The following PCDH9 variants were observed in gnomAD, a reference collection of about 807,000 sequenced individuals.
PCDH9 encodes protocadherin-9.
In PCDH9, 24 loss-of-function variants were observed where a neutral mutation model predicts 70.6. That is an observed-to-expected ratio of 0.34 (90% CI 0.25 to 0.48). The LOEUF (loss-of-function observed/expected upper bound fraction) is 0.48. Among genes scored for constraint, PCDH9 ranks in the 20% least tolerant of loss-of-function variants. The pLI is 0.99. For synonymous variants in PCDH9, 562 were observed against 558.5 expected (o/e 1.01, Z -0.09); for missense variants, 1,281 against 1,503.6 (o/e 0.85, Z 2.45).
chr13:66,793,192 C>T (rs2080188824), intron 3 of PCDH9, among the ~76,000 whole-genome samples: 1 of 152,012 alleles, frequency 6.6e-6, no homozygotes, highest in African/African-American at 2.4e-5. Context: ...CCTGGGCCTA[C>T]AGTTAGTCTT....
chr13:66,403,247 C>T (rs1593920600), intron 4 of PCDH9, among the ~76,000 whole-genome samples: 1 of 151,988 alleles, frequency 6.6e-6, no homozygotes, highest in African/African-American at 2.4e-5. Flanking sequence ...TCAAGCAATC[C>T]TCCCACCTTA....
chr13:67,111,983 C>T (rs961673903), intron 2 of PCDH9, among the ~76,000 whole-genome samples: 3 of 152,176 alleles, frequency 2.0e-5, no homozygotes, highest in Admixed American at 6.5e-5. Flanking sequence ...TGTCATGTCA[C>T]AGTCCTCACC....
rs1007229936 is a variant in PCDH9, at chr13:67,056,914, T to C, written c.3037-153309A>G. On this transcript the variant is annotated intron_variant, in intron 2 of 4. Transcript: ENST00000377865. ...CACTGATAATGTATGTACAAATTTA[T>C]ATACACTATGCAAAAAATTTTGGAT... Among the ~76,000 whole-genome samples the C allele has an allele frequency of 1.6e-4, 25 of 152,288 alleles. 1 individual carries two copies. Among genetic ancestry groups the C allele is most frequent in the African/African-American group, 5.5e-4 (23 of 41,576 alleles).
intron 4 of PCDH9, among the ~76,000 whole-genome samples, chr13:66,310,341 TCAGA>T (rs1304884517): frequency 6.6e-6 from 1 of 152,010 alleles, no homozygotes; most frequent in Non-Finnish European, 1.5e-5. Context: ...TTAGCAGCTC[TCAGA>T]CAGGTGCCTG....
chr13:67,129,546 AATAAT>A (rs2087058804), intron 2 of PCDH9, among the ~76,000 whole-genome samples: 1 of 152,094 alleles, frequency 6.6e-6, no homozygotes. Context: ...CACTGGTTAA[AATAAT>A]ATAATCATGA....
chr13:66,774,455 T>TTG (rs4053700), intron 3 of PCDH9, among the ~76,000 whole-genome samples: 44,241 of 151,410 alleles, frequency 0.29, 6,687 homozygotes, highest in East Asian at 0.44. Context: ...TCTACTAGAT[T>TTG]TTTTTTTTAA....
rs1438379394 is a variant in PCDH9 at position 66,304,970 on chromosome 13, G to A, written c.3399C>T (p.Cys1133=). The A allele has an allele frequency of 6.2e-7, 1 of 1,613,274 alleles. No homozygotes were observed. ...AATTATCAGAGTGACCCAAAACCAA[G>A]CACTCTTGAGTGCACATCTCTGTAG... ...AEATEMCTQE[C]LVLGHSDNCW... The change falls in exon 5 of 5, where the codon TGC becomes TGT. Residue 1133 remains cysteine (C), a synonymous_variant. Transcript: ENST00000377865.
chr13:66,612,878 T>C (rs1463682705), intron 4 of PCDH9, among the ~76,000 whole-genome samples: 1 of 152,074 alleles, frequency 6.6e-6, no homozygotes, highest in African/African-American at 2.4e-5. Context: ...ACCATTAAAA[T>C]TGTCTGTGAG....
chr13:67,172,882 A>C (rs2088335054), intron 2 of PCDH9, among the ~76,000 whole-genome samples: 1 of 151,290 alleles, frequency 6.6e-6, no homozygotes, highest in African/African-American at 2.4e-5. Context: ...CATCTCAAAA[A>C]AAAAAAAAAA....
rs1422061498 is a variant in PCDH9, at chr13:66,304,365, T to A, written c.*290A>T. On this transcript the variant is annotated 3_prime_UTR_variant, in exon 5 of 5. Coordinates refer to ENST00000377865, the MANE Select transcript of PCDH9 (RefSeq NM_203487.3). ...CTTACTTTCCAAATGCATATTCTAT[T>A]GTTCATAGCAGCAGTCCAGGGTCAA... 3 of 268,822 alleles carry A rather than the reference T, an allele frequency of 1.1e-5. No individual in the cohort carries two copies. Among genetic ancestry groups the A allele is most frequent in the African/African-American group, 4.4e-5 (2 of 45,792 alleles). The allele number at this position is 268,822 out of a possible 1,614,324, so 16.7% of individuals were successfully genotyped here.
rs550021242 is a variant in PCDH9 at position 66,750,187 on chromosome 13, G to A, written c.3139-118776C>T. 2.0e-3 allele frequency among the ~76,000 whole-genome samples: 310 copies of A among 152,138 alleles called. 1 individual carries two copies. Among genetic ancestry groups the A allele is most frequent in the Non-Finnish European group, 3.3e-3 (222 of 67,986 alleles). ...ATCCAATTTTAGATAAAGAGGAAGG[G>A]CATTATTACTATTAAAGAAGAATGA... is the stretch of plus-strand genomic sequence containing the variant. On this transcript the variant is annotated intron_variant, in intron 3 of 4. Transcript: ENST00000377865.
intron 2 of PCDH9, among the ~76,000 whole-genome samples, chr13:66,917,417 CAA>C (rs2082574072): frequency 6.6e-6 from 1 of 151,414 alleles, no homozygotes; most frequent in South Asian, 2.1e-4. Context: ...TTTTATATTT[CAA>C]ATCCTTTTTG....
intron 2 of PCDH9, among the ~76,000 whole-genome samples, chr13:66,953,512 C>T (rs2083218194): frequency 6.6e-6 from 1 of 152,172 alleles, no homozygotes; most frequent in Non-Finnish European, 1.5e-5. Flanking sequence ...CAAAAAAAGG[C>T]AAGAATTCTA....
At position 66,345,224 on chromosome 13, in the gene PCDH9, A is replaced by C. The variant is rs118142891; in HGVS notation, c.3341-40196T>G. Among the ~76,000 whole-genome samples, 857 of 152,270 alleles carry C rather than the reference A, an allele frequency of 5.6e-3. 3 individuals carry two copies. Among genetic ancestry groups the C allele is most frequent in the Admixed American group, 9.2e-3 (140 of 15,294 alleles). ...AGATGTTCCAGGCCTATTTAGGAAT[A>C]CAATTTTTTGACTGCTTTATTTCTC... On this transcript the variant is annotated intron_variant, in intron 4 of 4. Coordinates refer to ENST00000377865, the MANE Select transcript of PCDH9 (RefSeq NM_203487.3).
chr13:67,047,208 C>A (rs1238198486), intron 2 of PCDH9, among the ~76,000 whole-genome samples: 1 of 152,130 alleles, frequency 6.6e-6, no homozygotes, highest in Non-Finnish European at 1.5e-5. Context: ...TCCAAAAGGG[C>A]ATGGTGCTTA....
chr13:66,942,320 A>T (rs1158709218), intron 2 of PCDH9, among the ~76,000 whole-genome samples: 1 of 151,952 alleles, frequency 6.6e-6, no homozygotes, highest in Non-Finnish European at 1.5e-5. Context: ...TAGATCATAA[A>T]TAAACAGAAA....
intron 2 of PCDH9, among the ~76,000 whole-genome samples, chr13:67,052,766 G>T (rs552859461): frequency 6.6e-6 from 1 of 152,068 alleles, no homozygotes; most frequent in Non-Finnish European, 1.5e-5. Flanking sequence ...AGAAAGAACC[G>T]ATTTATTCGA....
intron 2 of PCDH9, among the ~76,000 whole-genome samples, chr13:67,023,487 T>C (rs2084720208): frequency 3.3e-5 from 5 of 152,228 alleles, no homozygotes; most frequent in Admixed American, 3.3e-4. Context: ...GTGGATCTTT[T>C]AATTTTAACA....
chr13:67,006,315 C>T (rs2084354181), intron 2 of PCDH9, among the ~76,000 whole-genome samples: 1 of 152,098 alleles, frequency 6.6e-6, no homozygotes, highest in Non-Finnish European at 1.5e-5. Context: ...GAATTTGAAA[C>T]ATGGAGGATA....
Sources: gnomAD v4.1 joint callset for allele counts (sites outside exome capture counted in the v4.1 genomes callset) on GRCh38, gnomAD v4.1.1 for gene constraint, MANE v1.5 for transcripts, NCBI Gene and HGNC (gene_info 2026-07-23, HGNC 2026-07-21) for gene names.